The following SAMSN1 variants were observed in gnomAD, a reference collection of about 807,000 sequenced individuals.
The protein encoded by SAMSN1 is SAM domain-containing protein SAMSN-1.
In SAMSN1, 31 loss-of-function variants were observed where a neutral mutation model predicts 42.0. The ratio of observed to expected loss-of-function variants is 0.74; its 90% CI spans 0.55 to 1.00. The LOEUF is 1.00. SAMSN1 is among the 50% of genes least tolerant of loss of function. The pLI is 0.00. For missense variants in SAMSN1, 464 were observed against 439.4 expected (o/e 1.06, Z -0.50); for synonymous variants, 178 against 151.9 (o/e 1.17, Z -1.26).
intron 1 of SAMSN1, among the ~76,000 whole-genome samples, chr21:14,544,344 C>A (rs960399534): frequency 6.6e-6 from 1 of 152,100 alleles, no homozygotes; most frequent in African/African-American, 2.4e-5. Context: ...AGCCCATGCA[C>A]CTGGACAGAT....
intron 6 of SAMSN1, 99 bp from the exon 7 acceptor site, chr21:14,498,691 CAA>C: frequency 1.1e-6 from 1 of 880,092 alleles, no homozygotes. Context: ...ACATGGGGAC[CAA>C]AGGTGCCAAT....
chr21:14,600,487 A>G (rs1982400096), intron 6 of SAMSN1, among the ~76,000 whole-genome samples: 2 of 152,158 alleles, frequency 1.3e-5, no homozygotes, highest in African/African-American at 2.4e-5. Flanking sequence ...TTCGATCTTT[A>G]GTGATACACT....
chr21:14,507,840 A>T (rs1488846870), intron 5 of SAMSN1, among the ~76,000 whole-genome samples: 1 of 113,970 alleles, frequency 8.8e-6, no homozygotes, highest in African/African-American at 6.2e-5. Flanking sequence ...GGTACTGGTA[A>T]AAAAAAAAAA....
intron 2 of SAMSN1, among the ~76,000 whole-genome samples, chr21:14,627,136 G>A (rs1983200586): frequency 6.6e-6 from 1 of 152,152 alleles, no homozygotes; most frequent in African/African-American, 2.4e-5. Context: ...ATGGGGTGGG[G>A]GTAGGGGGAA....
upstream of SAMSN1, among the ~76,000 whole-genome samples, chr21:14,549,309 A>T (rs2822766): frequency 6.6e-6 from 1 of 152,174 alleles, no homozygotes; most frequent in South Asian, 2.1e-4. Flanking sequence ...CAGGTTGAAG[A>T]ATACAATTAG....
chr21:14,550,823 A>C (rs984412027), upstream of SAMSN1, among the ~76,000 whole-genome samples: 19 of 152,124 alleles, frequency 1.2e-4, no homozygotes, highest in Non-Finnish European at 5.9e-5. Context: ...GTGAGCTTTG[A>C]GTATCTTAAT....
intron 1 of SAMSN1, among the ~76,000 whole-genome samples, chr21:14,658,549 A>G (rs1333174775): frequency 6.6e-6 from 1 of 151,988 alleles, no homozygotes; most frequent in East Asian, 1.9e-4. Context: ...ACTCTTTTTA[A>G]TACTTGTCTT....
At chr21:14,563,281 T>C (rs1981004031) in intron 2 of SAMSN1, among the ~76,000 whole-genome samples, 1 of 152,214 alleles carries the variant, frequency 6.6e-6, no homozygotes, top group Admixed American at 6.5e-5. Context: ...CTGACACTGA[T>C]GCCAAAATAT....
rs542767244 is a variant in SAMSN1 at position 14,626,632 on chromosome 21, G to T, written c.157-10616C>A. On this transcript the variant is annotated intron_variant, in intron 2 of 15. Transcript: ENST00000647101. ...CATTAAAAAGTCAGGAAACAACAGG[G>T]GCTGTAGAGGATGTGGAGAAATAGG... Among the ~76,000 whole-genome samples the T allele has an allele frequency of 2.0e-3, 308 of 152,124 alleles. 3 individuals carry two copies. The highest frequency in any genetic ancestry group is 2.9e-3 in the African/African-American group (119 of 41,478).
At chr21:14,494,199 C>T (rs1282166335) in intron 7 of SAMSN1, among the ~76,000 whole-genome samples, 1 of 152,198 alleles carries the variant, frequency 6.6e-6, no homozygotes, top group Admixed American at 6.5e-5. Context: ...ACCCAGCAAT[C>T]CCATTACTGG....
At chr21:14,576,422 T>C (rs1326088669) in intron 2 of SAMSN1, among the ~76,000 whole-genome samples, 3 of 152,162 alleles carry the variant, frequency 2.0e-5, no homozygotes, top group Admixed American at 6.5e-5. Flanking sequence ...CTGTCTCCAG[T>C]TACCTCGTCT....
chr21:14,627,798 A>G (rs1209754203), intron 2 of SAMSN1, among the ~76,000 whole-genome samples: 1 of 152,228 alleles, frequency 6.6e-6, no homozygotes, highest in African/African-American at 2.4e-5. Flanking sequence ...CGAGCTTCTC[A>G]GGGCATAATT....
upstream of SAMSN1, among the ~76,000 whole-genome samples, chr21:14,549,647 C>G (rs1980535040): frequency 6.6e-6 from 1 of 152,112 alleles, no homozygotes; most frequent in Non-Finnish European, 1.5e-5. Flanking sequence ...GTTGTCATCA[C>G]AGAACCCAAC....
intron 2 of SAMSN1, chr21:14,619,695 G>T: frequency 3.1e-6 from 1 of 319,292 alleles, no homozygotes; most frequent in Non-Finnish European, 6.6e-6. Context: ...AGAGAGATTA[G>T]CAAGATAAAA....
At chr21:14,605,047 A>C (rs1453892683) in intron 5 of SAMSN1, among the ~76,000 whole-genome samples, 1 of 152,272 alleles carries the variant, frequency 6.6e-6, no homozygotes, top group African/African-American at 2.4e-5. Flanking sequence ...GTGCATAAAA[A>C]TATGCCATCC....
Position 14,500,534 on chromosome 21 carries a change from G to A in SAMSN1, c.763C>T (p.Leu255=). Residue 255 remains leucine (L), a synonymous_variant, in exon 6 of 8, where the codon CTG becomes TTG. Coordinates refer to ENST00000400566, the MANE Select transcript of SAMSN1 (RefSeq NM_022136.5). ...TLQEFLERIH[L]QEYTSTLLLN... is the part of the protein sequence containing the mutation. Reference sequence around the variant, plus strand: ...CAGAACACAGATTTGCTCACCTGCAGATGAATCCTCTCTAGGAACTCCTGC... The same window carrying A: ...CAGAACACAGATTTGCTCACCTGCAAATGAATCCTCTCTAGGAACTCCTGC... The A allele has an allele frequency of 1.2e-6, 2 of 1,613,880 alleles. No homozygotes were observed. The highest frequency in any genetic ancestry group is 1.7e-6 in the Non-Finnish European group (2 of 1,179,820).
At chr21:14,562,079 T>A (rs998292150) in intron 2 of SAMSN1, among the ~76,000 whole-genome samples, 1 of 152,226 alleles carries the variant, frequency 6.6e-6, no homozygotes, top group African/African-American at 2.4e-5. Context: ...AAAACCAATA[T>A]ACTATGCTCA....
chr21:14,515,062 C>G (rs1987845783), intron 3 of SAMSN1, among the ~76,000 whole-genome samples: 1 of 151,424 alleles, frequency 6.6e-6, no homozygotes, highest in South Asian at 2.1e-4. Context: ...AGAAGCATGC[C>G]TAGTCAAAAA....
chr21:14,485,938 T>A lies in SAMSN1; in HGVS notation c.1096A>T (p.Ile366Phe), dbSNP rs1568758191. 6.2e-7 allele frequency: 1 copy of A among 1,613,628 alleles called. No individual in the cohort carries two copies. The highest frequency in any genetic ancestry group is 2.2e-5 in the East Asian group (1 of 44,854). Residue 366 changes from isoleucine to phenylalanine, a missense_variant, in exon 8 of 8, where the codon ATT becomes TTT. Coordinates refer to ENST00000400566, the MANE Select transcript of SAMSN1 (RefSeq NM_022136.5). ...SENLSDMVHKIIITEPSD is the reference protein window; with the variant it reads ...SENLSDMVHKFIITEPSD ...CAGTCACTTGGCTCTGTGATAATAA[T>A]CTTATGTACCATGTCAGACAGATTT...
Sources: allele counts gnomAD v4.1 joint callset (sites outside exome capture counted in the v4.1 genomes callset), GRCh38; gene constraint gnomAD v4.1.1; transcripts MANE v1.5; gene names NCBI Gene and HGNC (gene_info 2026-07-23, HGNC 2026-07-21).